BANK1: variants seen among roughly 807,000 people sequenced by gnomAD.
BANK1 encodes B-cell scaffold protein with ankyrin repeats.
In BANK1, 95 loss-of-function variants were observed where a neutral mutation model predicts 94.5. The observed-to-expected ratio is 1.00, with a 90% confidence interval of 0.85 to 1.19. The LOEUF (loss-of-function observed/expected upper bound fraction) is 1.19, where lower values mean the gene tolerates loss of function less well. Among genes scored for constraint, BANK1 ranks in the 50% most tolerant of loss-of-function variants. The pLI, the probability that BANK1 is intolerant of heterozygous loss-of-function variation, is 0.00. For missense variants in BANK1, 987 were observed against 932.2 expected, an observed-to-expected ratio of 1.06 and a Z score of -0.77; for synonymous variants, 334 against 308.4, an observed-to-expected ratio of 1.08 and a Z score of -0.87.
In BANK1 at chr4:101,955,728, A is replaced by C. The variant is rs1234972573; in HGVS notation, c.1206+37539A>C. Among the ~76,000 whole-genome samples, 5 of 152,182 alleles carry C rather than the reference A, an allele frequency of 3.3e-5. No homozygotes were observed. The East Asian group carries it at 7.7e-4, about 23-fold the overall frequency. On this transcript the variant is annotated intron_variant, in intron 7 of 16. Coordinates refer to ENST00000322953, the MANE Select transcript of BANK1 (RefSeq NM_017935.5). ...AGTTGTAAAATTCTCCAAAAGTCCC[A>C]TGTAAAAACCTATATTTAATGAAAA...
chr4:101,799,945 T>C (rs1725299996), intron 1 of BANK1, among the ~76,000 whole-genome samples: 1 of 152,034 alleles, frequency 6.6e-6, no homozygotes, highest in Non-Finnish European at 1.5e-5. Context: ...AATAATACTA[T>C]GCAGCCATGA....
Position 101,829,992 on chromosome 4 carries a change from A to G in BANK1, c.255A>G (p.Leu85=), listed in dbSNP as rs908879030. The G allele has an allele frequency of 1.2e-6, 2 of 1,613,262 alleles. No individual in the cohort carries two copies. Among genetic ancestry groups the G allele is most frequent in the African/African-American group, 2.7e-5 (2 of 74,980 alleles). Residue 85 remains leucine, a synonymous_variant, in exon 2 of 17, where the codon TTA becomes TTG. Transcript: ENST00000322953. ...CTTACAAATGTAAACTTTTGATATT[A>G]TCAAATAGCCTGCTTAGAGACCTAA... ...LTSYKCKLLI[L]SNSLLRDLTP...
At chr4:101,890,188 A>G (rs1721797837) in intron 5 of BANK1, among the ~76,000 whole-genome samples, 2 of 152,154 alleles carry the variant, frequency 1.3e-5, no homozygotes, top group African/African-American at 4.8e-5. Flanking sequence ...TGGTTAGATC[A>G]TTGGGATGAT....
intron 1 of BANK1, among the ~76,000 whole-genome samples, chr4:101,800,142 GA>G (rs1455949847): frequency 3.0e-4 from 6 of 20,058 alleles, no homozygotes; most frequent in East Asian, 5.4e-3. Context: ...TGGGTGGGGG[GA>G]GGGGGGAGGG....
At chr4:101,835,644 G>A (rs1455579487) in intron 2 of BANK1, among the ~76,000 whole-genome samples, 2 of 152,208 alleles carry the variant, frequency 1.3e-5, no homozygotes, top group Non-Finnish European at 2.9e-5. Context: ...AAACTATGCA[G>A]AAGCATTGTT....
intron 11 of BANK1, among the ~76,000 whole-genome samples, chr4:102,052,490 T>A (rs1232664919): frequency 7.1e-6 from 1 of 141,570 alleles, no homozygotes; most frequent in East Asian, 1.9e-4. Flanking sequence ...GGAAGGAGAG[T>A]TTTTTTTGTA....
At chr4:101,935,772 G>A (rs972134382) in intron 7 of BANK1, among the ~76,000 whole-genome samples, 2 of 151,380 alleles carry the variant, frequency 1.3e-5, no homozygotes, top group Admixed American at 6.6e-5. Context: ...CATCTACAGT[G>A]AACTCATTTT....
At chr4:101,935,289 G>A (rs934720932) in intron 7 of BANK1, among the ~76,000 whole-genome samples, 2 of 151,554 alleles carry the variant, frequency 1.3e-5, no homozygotes. Flanking sequence ...AAGTTCTTAA[G>A]TAGTCAATCA....
At chr4:101,933,841 CCTAA>C (rs1723438653) in intron 7 of BANK1, among the ~76,000 whole-genome samples, 1 of 151,238 alleles carries the variant, frequency 6.6e-6, no homozygotes, top group South Asian at 2.1e-4. Context: ...CTGATAGTGC[CCTAA>C]CTGTGTATAG....
chr4:101,891,301 A>C (rs1212432560), intron 5 of BANK1, among the ~76,000 whole-genome samples: 2 of 152,086 alleles, frequency 1.3e-5, no homozygotes, highest in African/African-American at 2.4e-5. Flanking sequence ...AGTTCTTTTA[A>C]CACTTGACAA....
At chr4:101,804,854 A>G (rs1725499985) in intron 1 of BANK1, among the ~76,000 whole-genome samples, 1 of 152,170 alleles carries the variant, frequency 6.6e-6, no homozygotes, top group Non-Finnish European at 1.5e-5. Context: ...TGAGGAATCA[A>G]AGTTATATGG....
Position 101,791,777 on chromosome 4 carries a change from T to C in BANK1, c.70+827T>C, listed in dbSNP as rs147704932. On this transcript the variant is annotated intron_variant, in intron 1 of 16. Transcript: ENST00000322953. ...CCTTTCTAGAATTTTTTAGGTAATG[T>C]AATTTTGGTTGTAGCTATTTCTGTT... is the stretch of plus-strand genomic sequence containing the variant. 6.0e-3 allele frequency among the ~76,000 whole-genome samples: 917 copies of C among 152,294 alleles called. 8 individuals are homozygous for C. Among genetic ancestry groups the C allele is most frequent in the African/African-American group, 0.021 (882 of 41,560 alleles).
chr4:101,801,472 ATT>A (rs1725354545), intron 1 of BANK1, among the ~76,000 whole-genome samples: 1 of 152,154 alleles, frequency 6.6e-6, no homozygotes, highest in African/African-American at 2.4e-5. Context: ...TAGAAATTTT[ATT>A]TCTCTCTCAT....
At chr4:102,047,432 CT>C (rs11326096) in intron 11 of BANK1, among the ~76,000 whole-genome samples, 96,061 of 151,862 alleles carry the variant, frequency 0.63, 30,643 homozygotes, top group African/African-American at 0.7. Context: ...AAAGATAGAT[CT>C]TTTTTAAGTC....
chr4:101,877,557 G>C (rs1728536362), intron 5 of BANK1, among the ~76,000 whole-genome samples: 2 of 151,850 alleles, frequency 1.3e-5, no homozygotes, highest in Middle Eastern at 3.4e-3. Context: ...TGTAGATCCT[G>C]TATTAGTTTT....
chr4:101,942,546 A>G (rs1723789551), intron 7 of BANK1, among the ~76,000 whole-genome samples: 1 of 151,898 alleles, frequency 6.6e-6, no homozygotes, highest in South Asian at 2.1e-4. Flanking sequence ...GCTCTAAGGA[A>G]TTCTGAAATT....
At chr4:102,065,256 C>A (rs1352714486) in intron 13 of BANK1, among the ~76,000 whole-genome samples, 4 of 152,032 alleles carry the variant, frequency 2.6e-5, no homozygotes, top group Non-Finnish European at 4.4e-5. Context: ...TCTAGACATG[C>A]CCTAACAAAA....
intron 7 of BANK1, among the ~76,000 whole-genome samples, chr4:101,941,502 A>T (rs925133571): frequency 1.5e-4 from 23 of 151,800 alleles, no homozygotes; most frequent in African/African-American, 5.6e-4. Flanking sequence ...CCTTGTCTAG[A>T]ATAAAAGACT....
At chr4:101,803,089 A>G (rs762494047) in intron 1 of BANK1, among the ~76,000 whole-genome samples, 1 of 152,008 alleles carries the variant, frequency 6.6e-6, no homozygotes, top group Admixed American at 6.5e-5. Context: ...ACAAATATTT[A>G]TTTAACTATG....
Sources: gnomAD v4.1 joint callset for allele counts (sites outside exome capture counted in the v4.1 genomes callset) on GRCh38, gnomAD v4.1.1 for gene constraint, MANE v1.5 for transcripts, NCBI Gene and HGNC (gene_info 2026-07-23, HGNC 2026-07-21) for gene names.